Variants in SLC9A9 observed in about 807,000 individuals in gnomAD.
SLC9A9 encodes the protein sodium/hydrogen exchanger 9.
In SLC9A9, 62 loss-of-function variants were observed where a neutral mutation model predicts 77.8. The observed-to-expected ratio is 0.80, with a 90% CI of 0.65 to 0.98. SLC9A9 has a LOEUF of 0.98. Ranked by LOEUF, SLC9A9 falls within the 50% of genes least tolerant of loss-of-function variation. The probability of loss-of-function intolerance (pLI) is 0.00; values close to 1 mark genes in which losing one functional copy is unlikely to be tolerated. For synonymous variants in SLC9A9, 320 were observed against 283.5 expected (o/e 1.13, Z -1.29); for missense variants, 775 against 774.9 (o/e 1.00, Z 0.00).
intron 12 of SLC9A9, among the ~76,000 whole-genome samples, chr3:143,408,418 T>C (rs1420803630): frequency 6.6e-6 from 1 of 152,204 alleles, no homozygotes; most frequent in African/African-American, 2.4e-5. Flanking sequence ...GCTAGCAATG[T>C]TCATAAGGCC....
chr3:143,536,709 C>T (rs1362955471), intron 9 of SLC9A9, among the ~76,000 whole-genome samples: 3 of 152,108 alleles, frequency 2.0e-5, no homozygotes, highest in Non-Finnish European at 4.4e-5. Flanking sequence ...TTAGAAACAC[C>T]CTGCCTGTGA....
At chr3:143,631,271 A>G (rs1437658993) in intron 6 of SLC9A9, among the ~76,000 whole-genome samples, 1 of 152,188 alleles carries the variant, frequency 6.6e-6, no homozygotes, top group Non-Finnish European at 1.5e-5. Flanking sequence ...CAAAATTTCT[A>G]ATGCACTTTT....
chr3:143,677,460 C>T (rs1384707853), intron 5 of SLC9A9, among the ~76,000 whole-genome samples: 1 of 152,076 alleles, frequency 6.6e-6, no homozygotes, highest in Non-Finnish European at 1.5e-5. Context: ...TGTTGCAGTA[C>T]ACATTCTTGT....
intron 13 of SLC9A9, among the ~76,000 whole-genome samples, chr3:143,374,352 G>C (rs2033127272): frequency 1.3e-5 from 2 of 150,320 alleles, no homozygotes; most frequent in Admixed American, 1.3e-4. Context: ...GTGAACCCGG[G>C]AGGCGGAGCT....
At chr3:143,817,443 C>T (rs954372732) in intron 2 of SLC9A9, among the ~76,000 whole-genome samples, 5 of 152,096 alleles carry the variant, frequency 3.3e-5, no homozygotes, top group East Asian at 1.9e-4. Context: ...CCACCGCGCC[C>T]GGCCAAAAGT....
chr3:143,615,420 C>T (rs1234723910), intron 6 of SLC9A9, among the ~76,000 whole-genome samples: 1 of 152,194 alleles, frequency 6.6e-6, no homozygotes, highest in Non-Finnish European at 1.5e-5. Flanking sequence ...GAGACCCTCT[C>T]CATCAGGCAG....
chr3:143,411,786 GT>G (rs978109707), intron 12 of SLC9A9, among the ~76,000 whole-genome samples: 2 of 151,958 alleles, frequency 1.3e-5, no homozygotes, highest in African/African-American at 4.8e-5. Context: ...ATTTTTAATT[GT>G]TTTTTTCATT....
intron 6 of SLC9A9, among the ~76,000 whole-genome samples, chr3:143,606,401 T>TCTCTCTCTCC (rs2037923258): frequency 2.9e-5 from 1 of 35,012 alleles, no homozygotes; most frequent in Non-Finnish European, 5.0e-5. Context: ...AAAGAGTGAA[T>TCTCTCTCTCC]CTCTCTCTCT....
chr3:143,317,525 G>A (rs960108635), intron 14 of SLC9A9, among the ~76,000 whole-genome samples: 3 of 152,206 alleles, frequency 2.0e-5, no homozygotes, highest in Non-Finnish European at 4.4e-5. Context: ...TGAAAGATGA[G>A]ATTTGGTGAA....
In SLC9A9 at chr3:143,317,424, G is replaced by A. The variant is rs1268541429; in HGVS notation, c.1604+46060C>T. On this transcript the variant is annotated intron_variant, in intron 14 of 15. Coordinates refer to ENST00000316549, the MANE Select transcript of SLC9A9 (RefSeq NM_173653.4). ...CCCTCACTTTCCTCTCAGGTTGGAT[G>A]TCTCAGTGTTACTGAGATTAAAATA... Among the ~76,000 whole-genome samples, 4 of 152,304 alleles carry A rather than the reference G, an allele frequency of 2.6e-5. No individual in the cohort carries two copies. In the East Asian group the frequency reaches 7.7e-4, roughly 29 times the overall value.
intron 8 of SLC9A9, among the ~76,000 whole-genome samples, chr3:143,567,998 T>C (rs1279686309): frequency 6.6e-6 from 1 of 152,170 alleles, no homozygotes; most frequent in East Asian, 1.9e-4. Context: ...AAATACCTCA[T>C]GGACTATTCC....
chr3:143,669,298 T>A (rs1297976965), intron 5 of SLC9A9, among the ~76,000 whole-genome samples: 2 of 152,208 alleles, frequency 1.3e-5, no homozygotes, highest in Admixed American at 6.5e-5. Context: ...GGACACTGAC[T>A]TTCAAAACTT....
chr3:143,281,037 G>A (rs1380119797), intron 14 of SLC9A9, among the ~76,000 whole-genome samples: 1 of 152,036 alleles, frequency 6.6e-6, no homozygotes, highest in African/African-American at 2.4e-5. Flanking sequence ...CTTCTTTCAG[G>A]TGCCTGAAGT....
chr3:143,732,145 G>A (rs548145039), intron 4 of SLC9A9, among the ~76,000 whole-genome samples: 1 of 152,334 alleles, frequency 6.6e-6, no homozygotes, highest in African/African-American at 2.4e-5. Context: ...CTGATTCAGA[G>A]GATGAACTTG....
Position 143,530,726 on chromosome 3 carries a change from A to T in SLC9A9, c.1089+21636T>A, listed in dbSNP as rs532479923. Reference sequence around the variant, plus strand: ...TTTTTGCAACATGAAGAAAAAGGAGACAAAATCAGACAACTGATAAGGGTT... The same window carrying T: ...TTTTTGCAACATGAAGAAAAAGGAGTCAAAATCAGACAACTGATAAGGGTT... On this transcript the variant is annotated intron_variant, in intron 9 of 15. Transcript: ENST00000316549. 2.4e-3 allele frequency among the ~76,000 whole-genome samples: 367 copies of T among 152,270 alleles called. 3 individuals are homozygous for T. The highest frequency in any genetic ancestry group is 8.4e-3 in the African/African-American group (347 of 41,550).
At chr3:143,747,033 G>A (rs1935211457) in intron 4 of SLC9A9, among the ~76,000 whole-genome samples, 1 of 152,076 alleles carries the variant, frequency 6.6e-6, no homozygotes, top group Non-Finnish European at 1.5e-5. Context: ...TGACAATGCT[G>A]TGGTACGCTG....
At chr3:143,591,579 T>A (rs370899985) in intron 6 of SLC9A9, among the ~76,000 whole-genome samples, 100 of 148,106 alleles carry the variant, frequency 6.8e-4, no homozygotes, top group African/African-American at 2.6e-3. Flanking sequence ...CTCAAGCCAA[T>A]ACAGCTTGTA....
chr3:143,640,511 T>C (rs1398087122), intron 6 of SLC9A9, among the ~76,000 whole-genome samples: 1 of 152,132 alleles, frequency 6.6e-6, no homozygotes, highest in East Asian at 1.9e-4. Flanking sequence ...GGAGCTACTA[T>C]GACTGAGTGA....
chr3:143,268,336 T>C (rs954990837), intron 15 of SLC9A9, among the ~76,000 whole-genome samples: 8 of 152,188 alleles, frequency 5.3e-5, no homozygotes, highest in Admixed American at 3.9e-4. Flanking sequence ...TTTTCTAAGG[T>C]CATTTTATGG....
Sources: gnomAD v4.1 joint callset for allele counts (sites outside exome capture counted in the v4.1 genomes callset) on GRCh38, gnomAD v4.1.1 for gene constraint, MANE v1.5 for transcripts, NCBI Gene and HGNC (gene_info 2026-07-23, HGNC 2026-07-21) for gene names.